Variants in UBR3 observed in about 807,000 individuals in gnomAD.
UBR3 encodes the protein ubiquitin protein ligase E3 component n-recognin 3.
A neutral mutation model predicts 243.2 loss-of-function variants in UBR3; 85 were observed. The ratio of observed to expected loss-of-function variants is 0.35; its 90% CI spans 0.29 to 0.42. The LOEUF is 0.42. UBR3 is among the 10% of genes least tolerant of loss of function. UBR3 has a pLI of 1.00. For synonymous variants in UBR3, 748 were observed against 799.8 expected (o/e 0.94, Z 1.09); for missense variants, 1,686 against 2,300.8 (o/e 0.73, Z 5.47).
At chr2:170,058,267 A>G (rs2091381099) in intron 33 of UBR3, among the ~76,000 whole-genome samples, 1 of 151,964 alleles carries the variant, frequency 6.6e-6, no homozygotes, top group African/African-American at 2.4e-5. Context: ...ACTAATTGTA[A>G]TGAAAACGTA....
chr2:169,856,181 T>C (rs2105297417), intron 1 of UBR3, among the ~76,000 whole-genome samples: 1 of 148,668 alleles, frequency 6.7e-6, no homozygotes, highest in Middle Eastern at 3.9e-3. Context: ...GAGACACTCC[T>C]CAGTTCCCAG....
intron 20 of UBR3, among the ~76,000 whole-genome samples, chr2:169,945,105 T>C (rs546134625): frequency 6.6e-6 from 1 of 152,256 alleles, no homozygotes; most frequent in Admixed American, 6.5e-5. Flanking sequence ...CTTACAACAA[T>C]TCTGGGCTAT....
At chr2:170,024,443 A>G (rs941007540) in intron 30 of UBR3, among the ~76,000 whole-genome samples, 4 of 151,724 alleles carry the variant, frequency 2.6e-5, no homozygotes, top group African/African-American at 9.7e-5. Flanking sequence ...TTTCAAAAGC[A>G]TTTTTGAAAG....
intron 35 of UBR3, among the ~76,000 whole-genome samples, chr2:170,072,711 G>C (rs2091726353): frequency 6.6e-6 from 1 of 152,254 alleles, no homozygotes; most frequent in African/African-American, 2.4e-5. Context: ...GGCTTCCCTA[G>C]TGAGCTGGAA....
chr2:170,045,964 ATTTTTTTT>A (rs71006066), intron 32 of UBR3, among the ~76,000 whole-genome samples: 7 of 117,946 alleles, frequency 5.9e-5, no homozygotes, highest in Non-Finnish European at 9.1e-5. Context: ...CTTCTTGTAA[ATTTTTTTT>A]TTTTTTTTTT....
intron 29 of UBR3, among the ~76,000 whole-genome samples, chr2:170,010,196 T>G (rs567959792): frequency 6.6e-6 from 1 of 152,306 alleles, no homozygotes; most frequent in South Asian, 2.1e-4. Flanking sequence ...AGTTACTACA[T>G]TCTTGCAATA....
chr2:170,002,858 A>G lies in UBR3; in HGVS notation c.4029+1444A>G, dbSNP rs540603678. Among the ~76,000 whole-genome samples the G allele has an allele frequency of 3.2e-4, 49 of 151,852 alleles. 1 individual carries two copies. The Middle Eastern group carries it at 0.01, about 32-fold the overall frequency. ...CTTCAGTGTAACTTTTATTTTATTTATTTATTTATTTTTGAGATAGGGTCT... is the reference window on the plus strand; with the variant it reads ...CTTCAGTGTAACTTTTATTTTATTTGTTTATTTATTTTTGAGATAGGGTCT... On this transcript the variant is annotated intron_variant, in intron 27 of 38. Coordinates refer to ENST00000272793, the MANE Select transcript of UBR3 (RefSeq NM_172070.4).
chr2:169,894,019 A>G (rs1364842162), intron 6 of UBR3, among the ~76,000 whole-genome samples: 1 of 152,076 alleles, frequency 6.6e-6, no homozygotes, highest in Non-Finnish European at 1.5e-5. Flanking sequence ...AATCATTGTC[A>G]TGCCCTGGAA....
At chr2:170,018,419 T>G (rs2090305390) in intron 30 of UBR3, among the ~76,000 whole-genome samples, 1 of 152,152 alleles carries the variant, frequency 6.6e-6, no homozygotes, top group South Asian at 2.1e-4. Context: ...AGCTGCCGAT[T>G]CCTGGGTCAG....
At chr2:169,868,186 C>A (rs896028640) in intron 1 of UBR3, among the ~76,000 whole-genome samples, 1 of 152,140 alleles carries the variant, frequency 6.6e-6, no homozygotes, top group Non-Finnish European at 1.5e-5. Context: ...ATGTATCTCT[C>A]AGTTTCAACA....
intron 25 of UBR3, among the ~76,000 whole-genome samples, chr2:169,992,477 T>G (rs568919853): frequency 9.2e-5 from 14 of 152,298 alleles, no homozygotes; most frequent in African/African-American, 3.4e-4. Flanking sequence ...ATATCCCTTA[T>G]GAGTATACAT....
chr2:169,850,340 G>C (rs2082616378), intron 1 of UBR3, among the ~76,000 whole-genome samples: 1 of 151,986 alleles, frequency 6.6e-6, no homozygotes, highest in Non-Finnish European at 1.5e-5. Context: ...CACCATGCTT[G>C]GCCAATTTTA....
At chr2:170,046,766 G>A (rs1383166014) in intron 32 of UBR3, among the ~76,000 whole-genome samples, 1 of 151,998 alleles carries the variant, frequency 6.6e-6, no homozygotes, top group Non-Finnish European at 1.5e-5. Context: ...ATATAGGAAA[G>A]GCAGGTTAAA....
rs1202734755 is a variant in UBR3, at chr2:169,827,833, C to T, written c.326C>T (p.Ala109Val). Residue 109 changes from alanine (A) to valine (V), a missense_variant, in exon 1 of 39, where the codon GCG becomes GTG. Physicochemically the swap from Ala to Val is moderately conservative, Grantham distance 64 (BLOSUM62 0). This residue lies in a region of UBR3 where 145 missense variants were observed against 243.8 expected (regional missense o/e 0.59). Coordinates refer to ENST00000272793, the MANE Select transcript of UBR3 (RefSeq NM_172070.4). The stretch of plus-strand genomic sequence containing the variant: ...GGCGGCGGCTACGACGAGTTCTGCG[C>T]GGCGGTGCGGGCCTACGATCCCGCG... ...AGGGGYDEFC[A>V]AVRAYDPAAL... 5 of 1,504,066 alleles carry T rather than the reference C, an allele frequency of 3.3e-6. No individual in the cohort carries two copies. The highest frequency in any genetic ancestry group is 1.4e-5 in the African/African-American group (1 of 69,568). The allele number at this position is 1,504,066 out of a possible 1,614,324, so 93.2% of individuals were successfully genotyped here.
chr2:169,939,122 T>G (rs1157223589), intron 19 of UBR3, among the ~76,000 whole-genome samples: 1 of 152,144 alleles, frequency 6.6e-6, no homozygotes, highest in Non-Finnish European at 1.5e-5. Context: ...GTGTTTGCTA[T>G]TTCTTATTTT....
chr2:169,975,225 C>G (rs2088370890), intron 24 of UBR3, among the ~76,000 whole-genome samples: 1 of 152,146 alleles, frequency 6.6e-6, no homozygotes, highest in South Asian at 2.1e-4. Context: ...ATTGGTTGTT[C>G]AGGAACATGT....
chr2:170,076,910 T>A (rs1187185810), intron 36 of UBR3, among the ~76,000 whole-genome samples: 1 of 152,198 alleles, frequency 6.6e-6, no homozygotes, highest in African/African-American at 2.4e-5. Flanking sequence ...GCTCTACCAA[T>A]TGTATGGCAA....
rs531456967 is a variant in UBR3, at chr2:169,927,011, T to C, written c.2338+40T>C. On this transcript the variant is annotated intron_variant, in intron 16 of 38. Coordinates refer to ENST00000272793, the MANE Select transcript of UBR3 (RefSeq NM_172070.4). ...TACTAATACTTATGCATTAACTGTT[T>C]TCCTCCCTTTCTCCCCCTCCCTGTG... The C allele has an allele frequency of 5.8e-5, 89 of 1,530,368 alleles. No homozygotes were observed. The African/African-American group carries it at 1.1e-3, about 18-fold the overall frequency. The allele number at this position is 1,530,368 out of a possible 1,614,324, so 94.8% of individuals were successfully genotyped here.
chr2:169,941,600 T>A (rs766821180), intron 19 of UBR3, among the ~76,000 whole-genome samples: 7 of 152,338 alleles, frequency 4.6e-5, no homozygotes, highest in Admixed American at 4.6e-4. Flanking sequence ...TAACTTTTAT[T>A]ACAGTATATT....
Sources: allele counts gnomAD v4.1 joint callset (sites outside exome capture counted in the v4.1 genomes callset), GRCh38; gene constraint gnomAD v4.1.1; regional missense constraint gnomAD v4.1.1; transcripts MANE v1.5; gene names NCBI Gene and HGNC (gene_info 2026-07-23, HGNC 2026-07-21).